Variants in ASIC2 observed in about 807,000 individuals in gnomAD.
ASIC2 encodes acid-sensing ion channel 2.
A neutral mutation model predicts 57.3 loss-of-function variants in ASIC2; 25 were observed. That is an observed-to-expected ratio of 0.44 (90% CI 0.32 to 0.61). The LOEUF (loss-of-function observed/expected upper bound fraction) is 0.61, where lower values mean the gene tolerates loss of function less well. ASIC2 is among the 20% of genes least tolerant of loss of function. The pLI is 0.06. For missense variants in ASIC2, 641 were observed against 738.1 expected, an observed-to-expected ratio of 0.87 and a Z score of 1.52; for synonymous variants, 319 against 307.5, an observed-to-expected ratio of 1.04 and a Z score of -0.39.
intron 1 of ASIC2, among the ~76,000 whole-genome samples, chr17:33,347,412 G>A (rs1907990784): frequency 6.6e-6 from 1 of 152,154 alleles, no homozygotes; most frequent in Non-Finnish European, 1.5e-5. Context: ...CAAAGAATAG[G>A]CAAGTGAACC....
At chr17:33,960,330 C>T (rs1408837184) in intron 1 of ASIC2, among the ~76,000 whole-genome samples, 5 of 152,194 alleles carry the variant, frequency 3.3e-5, no homozygotes, top group African/African-American at 1.2e-4. Flanking sequence ...TGCCTGGATG[C>T]TTCAATCTTT....
At chr17:33,693,269 T>C (rs985363621) in intron 1 of ASIC2, among the ~76,000 whole-genome samples, 2 of 152,208 alleles carry the variant, frequency 1.3e-5, no homozygotes, top group Non-Finnish European at 2.9e-5. Flanking sequence ...AACAATCTGT[T>C]GTTAATTTTA....
intron 7 of ASIC2, among the ~76,000 whole-genome samples, chr17:33,019,341 C>T (rs773800778): frequency 6.6e-5 from 10 of 150,830 alleles, no homozygotes; most frequent in Admixed American, 1.3e-4. Flanking sequence ...GTGTGTCGAG[C>T]GTGTGTAGTG....
At chr17:34,109,347 C>T (rs925776191) in intron 1 of ASIC2, among the ~76,000 whole-genome samples, 5 of 152,216 alleles carry the variant, frequency 3.3e-5, no homozygotes, top group East Asian at 1.9e-4. Context: ...TGCTTCTGGG[C>T]TGCCACTTGG....
intron 1 of ASIC2, among the ~76,000 whole-genome samples, chr17:34,127,429 A>T (rs533802409): frequency 6.6e-6 from 1 of 152,180 alleles, no homozygotes; most frequent in Non-Finnish European, 1.5e-5. Flanking sequence ...TGAGTCCGTA[A>T]AACACCAGGC....
At chr17:33,234,858 A>T (rs1265722494) in intron 1 of ASIC2, among the ~76,000 whole-genome samples, 1 of 152,168 alleles carries the variant, frequency 6.6e-6, no homozygotes, top group Non-Finnish European at 1.5e-5. Context: ...AGGGGTTAGG[A>T]TTTCAACATA....
At chr17:33,407,305 T>G (rs1910506581) in intron 1 of ASIC2, among the ~76,000 whole-genome samples, 1 of 152,224 alleles carries the variant, frequency 6.6e-6, no homozygotes, top group Non-Finnish European at 1.5e-5. Context: ...ACACTTTGAT[T>G]CCAGGGTTTG....
At chr17:34,049,515 C>T (rs1050289260) in intron 1 of ASIC2, among the ~76,000 whole-genome samples, 1 of 152,110 alleles carries the variant, frequency 6.6e-6, no homozygotes, top group African/African-American at 2.4e-5. Flanking sequence ...TCTGCTTCCA[C>T]CTCTCCTTGG....
chr17:33,077,658 G>A lies in ASIC2; in HGVS notation c.987+11205C>T, dbSNP rs377340923. On this transcript the variant is annotated intron_variant, in intron 3 of 9. Coordinates refer to ENST00000225823, the MANE Select transcript of ASIC2 (RefSeq NM_183377.2). ...GCAGTATGATTTACTAGCCCACAGAGAATGATTACTGGGGGCTGTCCAGCC... is the reference window on the plus strand; with the variant it reads ...GCAGTATGATTTACTAGCCCACAGAAAATGATTACTGGGGGCTGTCCAGCC... Among the ~76,000 whole-genome samples, 28 of 152,304 alleles carry A rather than the reference G, an allele frequency of 1.8e-4. 1 individual carries two copies. The South Asian group carries it at 5.2e-3, about 28-fold the overall frequency.
intron 1 of ASIC2, among the ~76,000 whole-genome samples, chr17:34,138,103 C>T (rs566186006): frequency 6.6e-6 from 1 of 152,288 alleles, no homozygotes; most frequent in South Asian, 2.1e-4. Context: ...AGAAGCTCTT[C>T]TTCATGCACC....
intron 1 of ASIC2, among the ~76,000 whole-genome samples, chr17:33,258,599 G>A (rs185878403): frequency 6.6e-6 from 1 of 152,186 alleles, no homozygotes; most frequent in Non-Finnish European, 1.5e-5. Context: ...GGTAGTAGAG[G>A]TGAGTTTGTT....
Position 33,224,485 on chromosome 17 carries a change from C to T in ASIC2, c.708+66923G>A, listed in dbSNP as rs1431910224. Among the ~76,000 whole-genome samples the T allele has an allele frequency of 2.6e-5, 4 of 152,088 alleles. No individual in the cohort carries two copies. The South Asian group carries it at 6.2e-4, about 24-fold the overall frequency. ...GCTCTCAGAGAAGGTGGAAGTGTGT[C>T]GATCAACAAATTGGCTAAAATATAG... On this transcript the variant is annotated intron_variant, in intron 1 of 9. Transcript: ENST00000225823.
In ASIC2 at chr17:33,850,393, GA is replaced by G. The variant is rs1332597053; in HGVS notation, c.555+305584del. Among the ~76,000 whole-genome samples the G allele has an allele frequency of 4.6e-5, 7 of 152,304 alleles. No individual in the cohort carries two copies. In the East Asian group the frequency reaches 7.7e-4, roughly 17 times the overall value. Reference sequence around the variant, plus strand: ...TTTGCTATCATTTCCCCAACATTCAGAAAGACAGTTAATGGGTACCATTTTT... The same window carrying G: ...TTTGCTATCATTTCCCCAACATTCAGAAGACAGTTAATGGGTACCATTTTT... On this transcript the variant is annotated intron_variant, in intron 1 of 9. Coordinates refer to the ASIC2 transcript ENST00000359872.
intron 1 of ASIC2, among the ~76,000 whole-genome samples, chr17:33,817,626 C>A (rs970001346): frequency 6.6e-6 from 1 of 152,156 alleles, no homozygotes; most frequent in African/African-American, 2.4e-5. Context: ...GCAGTTTTGT[C>A]CTCTGTCAAA....
At chr17:33,466,449 C>A (rs534897025) in intron 1 of ASIC2, among the ~76,000 whole-genome samples, 198 of 152,230 alleles carry the variant, frequency 1.3e-3, no homozygotes, top group African/African-American at 4.7e-3. Context: ...CCATCCCCGT[C>A]AAGCCACCAA....
intron 1 of ASIC2, among the ~76,000 whole-genome samples, chr17:33,437,010 C>T (rs1053536059): frequency 2.7e-5 from 4 of 150,428 alleles, no homozygotes; most frequent in South Asian, 2.1e-4. Context: ...GGACTACAGG[C>T]GCCCGCTACC....
intron 1 of ASIC2, among the ~76,000 whole-genome samples, chr17:33,690,325 G>C (rs1015527289): frequency 1.3e-5 from 2 of 152,238 alleles, no homozygotes; most frequent in African/African-American, 4.8e-5. Context: ...TATGGCACCA[G>C]TTGAAGCTAG....
intron 1 of ASIC2, among the ~76,000 whole-genome samples, chr17:33,300,734 T>A (rs948560129): frequency 1.2e-4 from 18 of 152,192 alleles, no homozygotes; most frequent in African/African-American, 3.4e-4. Flanking sequence ...GAGATCCAGT[T>A]TAGGATTCAG....
At chr17:33,571,159 TA>T (rs1424155959) in intron 1 of ASIC2, among the ~76,000 whole-genome samples, 3 of 152,152 alleles carry the variant, frequency 2.0e-5, no homozygotes, top group Non-Finnish European at 4.4e-5. Flanking sequence ...AGAGATGACA[TA>T]TAACACCCTG....
Sources: gnomAD v4.1 joint callset for allele counts (sites outside exome capture counted in the v4.1 genomes callset) on GRCh38, gnomAD v4.1.1 for gene constraint, MANE v1.5 for transcripts, NCBI Gene and HGNC (gene_info 2026-07-23, HGNC 2026-07-21) for gene names.